The following SUGCT variants were observed in gnomAD, a reference collection of about 807,000 sequenced individuals.
SUGCT encodes the protein succinyl-CoA:glutarate-CoA transferase.
Under a neutral mutation model 55.0 loss-of-function variants are expected in SUGCT, and 41 were observed. That is an observed-to-expected ratio of 0.74 (90% confidence interval 0.58 to 0.97). The LOEUF is 0.97. Among genes scored for constraint, SUGCT ranks in the 50% least tolerant of loss-of-function variants. The pLI is 0.00. For synonymous variants in SUGCT, 187 were observed against 200.4 expected (o/e 0.93, Z 0.56); for missense variants, 568 against 547.8 (o/e 1.04, Z -0.37).
At chr7:40,956,808 G>A in the SUGCT span, among the ~76,000 whole-genome samples, 2 of 152,126 alleles carry the variant, frequency 1.3e-5, no homozygotes, top group African/African-American at 2.4e-5. Flanking sequence ...AGAAATTCTG[G>A]TACATTGTGT....
intron 9 of SUGCT, among the ~76,000 whole-genome samples, chr7:40,409,108 C>T (rs2151337486): frequency 6.6e-6 from 1 of 151,904 alleles, no homozygotes; most frequent in Middle Eastern, 3.4e-3. Context: ...GCGCAAGCCA[C>T]TGCACCTGGC....
chr7:40,291,171 T>C (rs889625750), intron 8 of SUGCT, among the ~76,000 whole-genome samples: 1 of 152,080 alleles, frequency 6.6e-6, no homozygotes, highest in African/African-American at 2.4e-5. Context: ...ACCCAAAGGA[T>C]TATAAATCAT....
At chr7:40,459,042 C>G (rs1789641236) in intron 10 of SUGCT, 59 bp from the exon 11 acceptor site, 1 of 1,089,398 alleles carries the variant, frequency 9.2e-7, no homozygotes, top group South Asian at 1.3e-5. Context: ...CACTAGCACC[C>G]ACAGGCAGGT....
At chr7:40,754,285 G>T (rs577448054) in intron 13 of SUGCT, among the ~76,000 whole-genome samples, 1 of 152,276 alleles carries the variant, frequency 6.6e-6, no homozygotes, top group East Asian at 1.9e-4. Flanking sequence ...TAACATTCTG[G>T]TGTTCTAAGA....
intron 9 of SUGCT, among the ~76,000 whole-genome samples, chr7:40,417,825 G>A (rs116065691): frequency 2.6e-3 from 393 of 151,532 alleles, no homozygotes; most frequent in Middle Eastern, 0.017. Context: ...TCTCTTTGTC[G>A]ATGACTGTTT....
At chr7:40,198,725 G>A (rs866950155) in intron 6 of SUGCT, among the ~76,000 whole-genome samples, 3 of 146,236 alleles carry the variant, frequency 2.1e-5, no homozygotes, top group African/African-American at 8.3e-5. Flanking sequence ...AGCTGGGTAT[G>A]GTGGTGGGTG....
chr7:40,210,892 G>A (rs1048562769), intron 6 of SUGCT, among the ~76,000 whole-genome samples: 6 of 152,180 alleles, frequency 3.9e-5, no homozygotes, highest in African/African-American at 1.4e-4. Flanking sequence ...ATGAGTCAGG[G>A]TGGTGTAGGT....
chr7:40,238,034 T>A (rs142534451), intron 7 of SUGCT, among the ~76,000 whole-genome samples: 1 of 152,334 alleles, frequency 6.6e-6, no homozygotes, highest in Non-Finnish European at 1.5e-5. Context: ...TTTATTATGT[T>A]ATTCAAGCTT....
intron 10 of SUGCT, among the ~76,000 whole-genome samples, chr7:40,449,846 G>A (rs964234050): frequency 1.3e-5 from 2 of 151,916 alleles, no homozygotes; most frequent in Non-Finnish European, 2.9e-5. Flanking sequence ...GTACCTTTCT[G>A]AAGAATTTAT....
At chr7:40,392,286 TAATAA>T (rs1785478954) in intron 9 of SUGCT, among the ~76,000 whole-genome samples, 1 of 151,944 alleles carries the variant, frequency 6.6e-6, no homozygotes, top group Admixed American at 6.6e-5. Context: ...AGTATAATAA[TAATAA>T]AATAAATACA....
At chr7:40,795,485 T>G (rs1010651639) in intron 13 of SUGCT, among the ~76,000 whole-genome samples, 10 of 152,152 alleles carry the variant, frequency 6.6e-5, no homozygotes, top group Admixed American at 5.2e-4. Flanking sequence ...AAATAAAATC[T>G]TCACGAAAAA....
chr7:40,958,117 G>A, the SUGCT span, among the ~76,000 whole-genome samples: 1 of 151,962 alleles, frequency 6.6e-6, no homozygotes, highest in Non-Finnish European at 1.5e-5. Flanking sequence ...TTCAACCTTG[G>A]TGAATCTGAC....
chr7:40,627,369 A>G (rs1321323692), intron 12 of SUGCT, among the ~76,000 whole-genome samples: 1 of 152,226 alleles, frequency 6.6e-6, no homozygotes, highest in Non-Finnish European at 1.5e-5. Context: ...TGTTCATCCC[A>G]TGTAAATGAA....
intron 6 of SUGCT, 34 bp downstream of exon 6, chr7:40,195,094 G>C: frequency 6.4e-7 from 1 of 1,554,766 alleles, no homozygotes; most frequent in African/African-American, 1.4e-5. Flanking sequence ...CAGTTAAAAG[G>C]TTTTCCAGTT....
At chr7:40,716,146 A>G (rs553862097) in intron 12 of SUGCT, among the ~76,000 whole-genome samples, 1 of 152,262 alleles carries the variant, frequency 6.6e-6, no homozygotes, top group East Asian at 1.9e-4. Flanking sequence ...TGACTTTAAC[A>G]TATTGCTTGA....
the SUGCT span, among the ~76,000 whole-genome samples, chr7:41,011,297 C>A: frequency 6.6e-6 from 1 of 152,136 alleles, no homozygotes; most frequent in African/African-American, 2.4e-5. Flanking sequence ...TTCGTGTGTA[C>A]CTACTGTACA....
At chr7:40,467,172 A>G (rs1340570806) in intron 11 of SUGCT, among the ~76,000 whole-genome samples, 1 of 142,012 alleles carries the variant, frequency 7.0e-6, no homozygotes, top group Non-Finnish European at 1.5e-5. Flanking sequence ...ACTGCACTCC[A>G]GCCTAGCGAC....
chr7:40,676,868 C>T (rs1433719755), intron 12 of SUGCT, among the ~76,000 whole-genome samples: 1 of 150,366 alleles, frequency 6.7e-6, no homozygotes, highest in African/African-American at 2.5e-5. Context: ...AAAAACCAAA[C>T]ATACAAATGC....
intron 13 of SUGCT, among the ~76,000 whole-genome samples, chr7:40,860,010 C>T (rs1331050858): frequency 6.6e-6 from 1 of 152,154 alleles, no homozygotes; most frequent in Non-Finnish European, 1.5e-5. Context: ...GAGTGCCCTA[C>T]CTCTGAGTCT....
Sources: gnomAD v4.1 joint callset for allele counts (sites outside exome capture counted in the v4.1 genomes callset) on GRCh38, gnomAD v4.1.1 for gene constraint, MANE v1.5 for transcripts, NCBI Gene and HGNC (gene_info 2026-07-23, HGNC 2026-07-21) for gene names.